RPAIN: variants seen among roughly 807,000 people sequenced by gnomAD.
RPAIN encodes the protein RPA-interacting protein.
A neutral mutation model predicts 30.5 loss-of-function variants in RPAIN; 29 were observed. That is an observed-to-expected ratio of 0.95 (90% CI 0.71 to 1.30). RPAIN has a LOEUF of 1.30. RPAIN is among the 50% of genes most tolerant of loss of function. RPAIN has a pLI of 0.00. For synonymous variants in RPAIN, 101 were observed against 93.5 expected (o/e 1.08, Z -0.46); for missense variants, 247 against 264.7 (o/e 0.93, Z 0.46).
In RPAIN at chr17:5,428,805, T is replaced by C. The variant is rs931317301; in HGVS notation, c.630+594T>C. 20 of 988,774 alleles carry C rather than the reference T, an allele frequency of 2.0e-5. No homozygotes were observed. In the African/African-American group the frequency reaches 3.3e-4, roughly 16 times the overall value. 61.3% of individuals were successfully genotyped at this position (988,774 alleles called of 1,614,324 possible). On this transcript the variant is annotated intron_variant, in intron 6 of 6. Coordinates refer to ENST00000381209, the MANE Select transcript of RPAIN (RefSeq NM_001033002.4). ...TGTATATATATCACACAAACACACA[T>C]AAAACCAATATGATACGTATTATTA... is the stretch of plus-strand genomic sequence containing the variant.
At chr17:5,420,361 C>G in intron 1 of RPAIN, 70 bp downstream of exon 1, 2 of 1,362,984 alleles carry the variant, frequency 1.5e-6, no homozygotes, top group Non-Finnish European at 1.0e-6. Flanking sequence ...CTGCCTTCGC[C>G]TTAGCCCTGC....
At chr17:5,429,662 C>G (rs779537920) in intron 6 of RPAIN, 3 of 985,328 alleles carry the variant, frequency 3.0e-6, no homozygotes, top group Non-Finnish European at 2.4e-6. Context: ...TTCCTGTTGA[C>G]TACAAGCATA....
Position 5,421,379 on chromosome 17 carries a change from T to C in RPAIN, c.165T>C (p.Ser55=). The C allele has an allele frequency of 6.2e-7, 1 of 1,614,096 alleles. No individual in the cohort carries two copies. Among genetic ancestry groups the C allele is most frequent in the Non-Finnish European group, 8.5e-7 (1 of 1,180,002 alleles). Residue 55 remains serine, a synonymous_variant, in exon 2 of 7, where the codon TCT becomes TCC. Coordinates refer to ENST00000381209, the MANE Select transcript of RPAIN (RefSeq NM_001033002.4). ...RQAGSSGPGN[S]QNSFLVQEVM... is the part of the protein sequence containing the mutation. ...CTGGAAGCAGTGGGCCAGGGAATTCTCAGAACAGCTTTCTAGTTCAAGAGG... is the reference window on the plus strand; with the variant it reads ...CTGGAAGCAGTGGGCCAGGGAATTCCCAGAACAGCTTTCTAGTTCAAGAGG...
At chr17:5,420,762 T>C (rs1345241129) in intron 1 of RPAIN, among the ~76,000 whole-genome samples, 3 of 152,214 alleles carry the variant, frequency 2.0e-5, no homozygotes, top group Non-Finnish European at 4.4e-5. Flanking sequence ...ACAGCAGAGT[T>C]TCTCAGCCTT....
chr17:5,429,359 A>C, intron 6 of RPAIN: 1 of 985,486 alleles, frequency 1.0e-6, no homozygotes, highest in Non-Finnish European at 1.2e-6. Context: ...GAAGCAGGAA[A>C]CTGGAGTATA....
intron 3 of RPAIN, among the ~76,000 whole-genome samples, chr17:5,423,532 TAAAAA>T (rs906841651): frequency 6.6e-6 from 1 of 151,618 alleles, no homozygotes; most frequent in Non-Finnish European, 1.5e-5. Flanking sequence ...AAAAATAAAA[TAAAAA>T]AAAGTAAACC....
intron 6 of RPAIN, chr17:5,432,323 C>CTGA: frequency 1.9e-6 from 1 of 518,076 alleles, no homozygotes; most frequent in East Asian, 3.0e-5. Flanking sequence ...ACTATTGATG[C>CTGA]TGATGGTTCC....
intron 3 of RPAIN, 123 bp downstream of exon 3, chr17:5,422,952 G>T (rs1244724062): frequency 3.1e-5 from 23 of 735,440 alleles, no homozygotes; most frequent in Non-Finnish European, 4.6e-5. Flanking sequence ...GTGTCCAAAA[G>T]ACTCCTTTTG....
Position 5,432,671 on chromosome 17 carries a change from T to G in RPAIN, c.*100T>G. ...CCTTTTATTTATAACTTATTTTGTA[T>G]TGAAACTTTTAAACAATACTGAAGA... On this transcript the variant is annotated 3_prime_UTR_variant, in exon 7 of 7. Transcript: ENST00000381209. 4 of 1,209,040 alleles carry G rather than the reference T, an allele frequency of 3.3e-6. No homozygotes were observed. The highest frequency in any genetic ancestry group is 4.8e-6 in the Non-Finnish European group (4 of 835,894). The allele number at this position is 1,209,040 out of a possible 1,614,324, so 74.9% of individuals were successfully genotyped here. A position where few individuals can be genotyped will look rare whatever the true frequency, so the allele number is the denominator to read the frequency against.
chr17:5,429,580 G>A (rs921300241), intron 6 of RPAIN: 3 of 985,464 alleles, frequency 3.0e-6, no homozygotes, highest in Non-Finnish European at 3.6e-6. Context: ...CTTGGTGGAA[G>A]GATGCCATTT....
chr17:5,431,419 A>G (rs1448944184), intron 6 of RPAIN: 1 of 446,422 alleles, frequency 2.2e-6, no homozygotes, highest in South Asian at 1.6e-5. Flanking sequence ...CTCAGGAGGC[A>G]GAGGTTGCAG....
chr17:5,427,774 G>C (rs1199570896), intron 5 of RPAIN: 5 of 420,814 alleles, frequency 1.2e-5, no homozygotes, highest in South Asian at 2.5e-5. Flanking sequence ...GCTGGTGGGG[G>C]CAGAGGCAGA....
chr17:5,421,185 GA>G, intron 1 of RPAIN, 110 bp from the exon 2 acceptor site: 1 of 1,076,590 alleles, frequency 9.3e-7, no homozygotes. Context: ...TATTATCATT[GA>G]AATTTTGTGT....
chr17:5,428,511 C>T (rs1555531998), intron 6 of RPAIN: 2 of 1,380,730 alleles, frequency 1.4e-6, no homozygotes, highest in South Asian at 3.1e-5. Flanking sequence ...CTGGTCATTT[C>T]ATAGTCATAA....
chr17:5,426,264 G>C lies in RPAIN; in HGVS notation c.454G>C (p.Val152Leu). ...KYNLRITSGVVVCQCGLSIPS... is the reference protein window; with the variant it reads ...KYNLRITSGVLVCQCGLSIPS... Reference sequence around the variant, plus strand: ...CAACCTGAGAATCACAAGCGGTGTGGTGGTGTGTCAGTGTGGCCTGTCCAT... The same window carrying C: ...CAACCTGAGAATCACAAGCGGTGTGCTGGTGTGTCAGTGTGGCCTGTCCAT... The change falls in exon 5 of 7, where the codon GTG becomes CTG. Residue 152 changes from valine to leucine, a missense_variant. Transcript: ENST00000381209. 6.2e-7 allele frequency: 1 copy of C among 1,614,162 alleles called. No individual in the cohort carries two copies. Among genetic ancestry groups the C allele is most frequent in the Non-Finnish European group, 8.5e-7 (1 of 1,180,016 alleles).
intron 6 of RPAIN, chr17:5,429,136 A>G: frequency 1.0e-6 from 1 of 985,460 alleles, no homozygotes; most frequent in Non-Finnish European, 1.2e-6. Flanking sequence ...TGGTAATAAG[A>G]GAACAGAATA....
chr17:5,427,937 G>C (rs1312800903), intron 5 of RPAIN, 134 bp from the exon 6 acceptor site: 2 of 807,808 alleles, frequency 2.5e-6, no homozygotes, highest in South Asian at 1.5e-5. Flanking sequence ...TCATGGGCCC[G>C]AGTGTCTTTA....
chr17:5,422,627 G>C (rs936554097), intron 2 of RPAIN, 142 bp from the exon 3 acceptor site: 7 of 667,870 alleles, frequency 1.0e-5, no homozygotes, highest in Non-Finnish European at 1.9e-5. Context: ...TTACCCCACT[G>C]TCAGCATATT....
At position 5,428,108 on chromosome 17, in the gene RPAIN, T is replaced by C. The variant is rs1390759580; in HGVS notation, c.527T>C (p.Leu176Ser). 1 of 1,614,062 alleles carries C rather than the reference T, an allele frequency of 6.2e-7. No individual in the cohort carries two copies. Among genetic ancestry groups the C allele is most frequent in the Non-Finnish European group, 8.5e-7 (1 of 1,180,038 alleles). The part of the protein sequence containing the change: ...ELTEQKLRAC[L>S]EGSINEHSAH... ...ACAGAGCAGAAGCTTCGTGCCTGTT[T>C]AGAGGGTAGTATAAATGAGCACAGT... Residue 176 changes from leucine (L) to serine (S), a missense_variant, in exon 6 of 7, where the codon TTA (leucine) becomes TCA (serine). By Grantham distance (145) the Leu-to-Ser change is moderately radical (BLOSUM62 -2). Transcript: ENST00000381209.
Sources: gnomAD v4.1 joint callset for allele counts (sites outside exome capture counted in the v4.1 genomes callset) on GRCh38, gnomAD v4.1.1 for gene constraint, MANE v1.5 for transcripts, NCBI Gene and HGNC (gene_info 2026-07-23, HGNC 2026-07-21) for gene names.